Variants in CSMD3 observed in about 807,000 individuals in gnomAD.
CSMD3 encodes CUB and Sushi multiple domains 3.
In CSMD3, 177 loss-of-function variants were observed where a neutral mutation model predicts 435.2. The ratio of observed to expected loss-of-function variants is 0.41; its 90% CI spans 0.36 to 0.46. The LOEUF is 0.46. Among genes scored for constraint, CSMD3 ranks in the 20% least tolerant of loss-of-function variants. The pLI, the probability that CSMD3 is intolerant of heterozygous loss-of-function variation, is 0.34. For synonymous variants in CSMD3, 1,656 were observed against 1,520.5 expected, an observed-to-expected ratio of 1.09 and a Z score of -2.07; for missense variants, 4,265 against 4,504.6, an observed-to-expected ratio of 0.95 and a Z score of 1.52.
intron 38 of CSMD3, among the ~76,000 whole-genome samples, chr8:112,373,386 T>C (rs919889058): frequency 2.0e-5 from 3 of 152,002 alleles, no homozygotes; most frequent in Non-Finnish European, 2.9e-5. Context: ...AGGTGTCTCC[T>C]TGATAGGAAA....
intron 13 of CSMD3, among the ~76,000 whole-genome samples, chr8:112,758,921 C>A (rs1322291259): frequency 6.6e-6 from 1 of 151,946 alleles, no homozygotes; most frequent in East Asian, 1.9e-4. Flanking sequence ...TTTGTGTTTC[C>A]TATTTGTATT....
chr8:113,177,853 C>G (rs2092369635), intron 3 of CSMD3, among the ~76,000 whole-genome samples: 1 of 151,880 alleles, frequency 6.6e-6, no homozygotes, highest in Non-Finnish European at 1.5e-5. Context: ...GATATTTTGA[C>G]AACATAGACT....
chr8:113,265,636 A>T (rs1290272013), intron 3 of CSMD3, among the ~76,000 whole-genome samples: 2 of 151,672 alleles, frequency 1.3e-5, no homozygotes, highest in Non-Finnish European at 3.0e-5. Context: ...TATTGTTTAT[A>T]TCTAGCCGAA....
Position 112,656,167 on chromosome 8 carries a change from C to A in CSMD3, c.2991G>T (p.Lys997Asn), listed in dbSNP as rs760360706. Residue 997 changes from lysine (K) to asparagine (N), a missense_variant, in exon 18 of 71, where the codon AAG (lysine) becomes AAT (asparagine). Coordinates refer to ENST00000297405, the MANE Select transcript of CSMD3 (RefSeq NM_198123.2). ...ATCATTACTTACTTTCATAATGAAT[C>A]TTGAAACCATTATTGGAACGACTGT... ...TDNSRSNNGF[K>N]IHYESVTVNT... 7 of 1,548,600 alleles carry A rather than the reference C, an allele frequency of 4.5e-6. No individual in the cohort carries two copies. The highest frequency in any genetic ancestry group is 5.4e-6 in the Non-Finnish European group (6 of 1,121,488).
intron 12 of CSMD3, among the ~76,000 whole-genome samples, chr8:112,819,106 A>G (rs567143264): frequency 5.9e-5 from 9 of 152,094 alleles, no homozygotes; most frequent in African/African-American, 1.2e-4. Flanking sequence ...CATATCCCAC[A>G]AGTAGAACAC....
In CSMD3 at chr8:113,109,973, C is replaced by CA. The variant is rs1335722082; in HGVS notation, c.710-11011dup. Among the ~76,000 whole-genome samples the CA allele has an allele frequency of 3.3e-5, 5 of 152,314 alleles. No individual in the cohort carries two copies. The South Asian group carries it at 8.3e-4, about 25-fold the overall frequency. The stretch of plus-strand genomic sequence containing the variant: ...CAGGAGTGGCTGAGAAGCACGGAAA[C>CA]AGAGTGCAGGCAGCAAGAGCTGAGT... On this transcript the variant is annotated intron_variant, in intron 4 of 70. Coordinates refer to ENST00000297405, the MANE Select transcript of CSMD3 (RefSeq NM_198123.2).
chr8:113,325,500 C>T lies in CSMD3; in HGVS notation c.179-10707G>A, dbSNP rs116136304. Among the ~76,000 whole-genome samples, 1,191 of 152,178 alleles carry T rather than the reference C, an allele frequency of 7.8e-3. 14 individuals carry two copies. Among genetic ancestry groups the T allele is most frequent in the African/African-American group, 0.027 (1,116 of 41,502 alleles). On this transcript the variant is annotated intron_variant, in intron 1 of 70. Coordinates refer to ENST00000297405, the MANE Select transcript of CSMD3 (RefSeq NM_198123.2). ...CCTTCCACCATGATTGTGAGGCCTC[C>T]CCAGCCATGTGAAACTGTAGTTCAT...
chr8:113,077,895 T>C (rs146749178), intron 5 of CSMD3, among the ~76,000 whole-genome samples: 16 of 152,308 alleles, frequency 1.1e-4, no homozygotes, highest in Middle Eastern at 6.8e-3. Flanking sequence ...AATAAGTAGA[T>C]TGCTTTGATC....
chr8:113,163,820 C>T (rs1196466136), intron 4 of CSMD3, among the ~76,000 whole-genome samples: 1 of 151,972 alleles, frequency 6.6e-6, no homozygotes, highest in African/African-American at 2.4e-5. Flanking sequence ...ATACAATTCT[C>T]CAATGCAGTT....
chr8:112,241,844 G>T (rs1007815), intron 65 of CSMD3, 59 bp from the exon 66 acceptor site: 2 of 765,822 alleles, frequency 2.6e-6, no homozygotes, highest in Non-Finnish European at 4.6e-6. Context: ...ATACACATGC[G>T]CACACACACA....
chr8:112,929,314 A>G (rs10094955), intron 9 of CSMD3, among the ~76,000 whole-genome samples: 122,363 of 147,682 alleles, frequency 0.83, 50,858 homozygotes, highest in East Asian at 0.93. Flanking sequence ...CCAGCATGGC[A>G]CATGTATGCG....
At chr8:112,867,116 G>A (rs2081006581) in intron 10 of CSMD3, among the ~76,000 whole-genome samples, 2 of 152,152 alleles carry the variant, frequency 1.3e-5, no homozygotes, top group South Asian at 4.1e-4. Flanking sequence ...AGCAGACAAT[G>A]AGATTCGGAT....
At chr8:113,058,859 A>C (rs1356163057) in intron 5 of CSMD3, among the ~76,000 whole-genome samples, 2 of 152,040 alleles carry the variant, frequency 1.3e-5, no homozygotes, top group African/African-American at 4.8e-5. Context: ...AATGCCACCT[A>C]CTAAAAAAAC....
chr8:113,327,155 T>C (rs943749724), intron 1 of CSMD3, among the ~76,000 whole-genome samples: 3 of 152,194 alleles, frequency 2.0e-5, no homozygotes, highest in African/African-American at 7.2e-5. Flanking sequence ...TGTGATTTTC[T>C]TTATTTTTAA....
intron 4 of CSMD3, among the ~76,000 whole-genome samples, chr8:113,130,409 G>T (rs2091255605): frequency 6.6e-6 from 1 of 152,052 alleles, no homozygotes; most frequent in Non-Finnish European, 1.5e-5. Flanking sequence ...CAGATCTGAT[G>T]ATTTAAAAGT....
Position 112,692,745 on chromosome 8 carries a change from A to C in CSMD3, c.1973-2695T>G, listed in dbSNP as rs955862139. ...TGCTTTCTGTGGTTTCAGTTACCTGAGATAATGTGGTCCAAAAATAGGTAA... is the reference window on the plus strand; with the variant it reads ...TGCTTTCTGTGGTTTCAGTTACCTGCGATAATGTGGTCCAAAAATAGGTAA... On this transcript the variant is annotated intron_variant, in intron 13 of 70. Coordinates refer to ENST00000297405, the MANE Select transcript of CSMD3 (RefSeq NM_198123.2). 2.6e-4 allele frequency among the ~76,000 whole-genome samples: 39 copies of C among 152,152 alleles called. 2 individuals are homozygous for C. Among genetic ancestry groups the C allele is most frequent in the Admixed American group, 2.4e-3 (36 of 15,264 alleles).
At chr8:112,887,198 G>GTTT (rs200825945) in intron 10 of CSMD3, among the ~76,000 whole-genome samples, 1 of 135,206 alleles carries the variant, frequency 7.4e-6, no homozygotes, top group Non-Finnish European at 1.6e-5. Flanking sequence ...ACAATTATTT[G>GTTT]TTTTTTTTTT....
intron 22 of CSMD3, among the ~76,000 whole-genome samples, chr8:112,612,870 C>T (rs1267632444): frequency 1.3e-5 from 2 of 150,978 alleles, no homozygotes; most frequent in African/African-American, 4.9e-5. Flanking sequence ...GGGGTGTACA[C>T]CACCACCACC....
intron 5 of CSMD3, among the ~76,000 whole-genome samples, chr8:113,073,358 C>A (rs975469070): frequency 2.6e-5 from 4 of 151,496 alleles, no homozygotes; most frequent in Admixed American, 2.6e-4. Context: ...TTCGTAAATT[C>A]TTTGATAAAA....
Sources: allele counts gnomAD v4.1 joint callset (sites outside exome capture counted in the v4.1 genomes callset), GRCh38; gene constraint gnomAD v4.1.1; transcripts MANE v1.5; gene names NCBI Gene and HGNC (gene_info 2026-07-23, HGNC 2026-07-21).